Variants in TG observed in about 807,000 individuals in gnomAD.
The protein encoded by TG is thyroid hormones.
Under a neutral mutation model 324.7 loss-of-function variants are expected in TG, and 270 were observed. The observed-to-expected ratio is 0.83, with a 90% CI of 0.75 to 0.92. The LOEUF (loss-of-function observed/expected upper bound fraction) is 0.92, where lower values mean the gene tolerates loss of function less well. Ranked by LOEUF, TG falls within the 40% of genes least tolerant of loss-of-function variation. The pLI is 0.00. For synonymous variants in TG, 1,401 were observed against 1,327.0 expected, an observed-to-expected ratio of 1.06 and a Z score of -1.21; for missense variants, 3,591 against 3,456.4, an observed-to-expected ratio of 1.04 and a Z score of -0.98.
chr8:133,097,591 A>G (rs1246286657), intron 43 of TG, among the ~76,000 whole-genome samples: 1 of 152,262 alleles, frequency 6.6e-6, no homozygotes, highest in Non-Finnish European at 1.5e-5. Flanking sequence ...GATAGCATTC[A>G]TATTTTTAAA....
chr8:133,060,263 A>G, intron 41 of TG: 1 of 1,607,636 alleles, frequency 6.2e-7, no homozygotes, highest in Non-Finnish European at 8.5e-7. Context: ...GTGGAGAATG[A>G]CCCAGTTTAG....
intron 27 of TG, among the ~76,000 whole-genome samples, chr8:132,957,468 A>G (rs1040509429): frequency 8.5e-5 from 13 of 152,148 alleles, no homozygotes; most frequent in African/African-American, 3.1e-4. Context: ...GGAAGCACCC[A>G]TTTGTCTTTG....
At chr8:132,906,090 CAGG>C (rs1219955322) in intron 16 of TG, among the ~76,000 whole-genome samples, 2 of 152,112 alleles carry the variant, frequency 1.3e-5, no homozygotes, top group African/African-American at 4.8e-5. Context: ...AGCAGAAAGG[CAGG>C]AGGAGGTGAG....
chr8:132,980,102 G>A (rs1012864381), intron 34 of TG, among the ~76,000 whole-genome samples: 1 of 151,536 alleles, frequency 6.6e-6, no homozygotes, highest in South Asian at 2.1e-4. Flanking sequence ...GAGCCTCTAA[G>A]TCAAGAGCTT....
chr8:132,948,756 C>T lies in TG; in HGVS notation c.5234-20C>T, dbSNP rs1825701830. On this transcript the variant is annotated intron_variant, in intron 26 of 47. Coordinates refer to ENST00000220616, the MANE Select transcript of TG (RefSeq NM_003235.5). ...TCCCCCTCCATCACACTGACCTCTC[C>T]TACCTCTTGTGATTCTCAGGTGCCA... 6.2e-7 allele frequency: 1 copy of T among 1,612,838 alleles called. No individual in the cohort carries two copies. Among genetic ancestry groups the T allele is most frequent in the Admixed American group, 1.7e-5 (1 of 60,024 alleles).
chr8:133,040,245 G>T, intron 41 of TG: 1 of 1,177,550 alleles, frequency 8.5e-7, no homozygotes. Context: ...TGGGGAACTG[G>T]GCCTGAGATT....
chr8:132,923,567 G>A (rs1821405824), intron 22 of TG, 59 bp downstream of exon 22: 10 of 1,554,262 alleles, frequency 6.4e-6, no homozygotes, highest in Middle Eastern at 1.9e-4. Flanking sequence ...AGTCTCAAGG[G>A]CTTTTTAGAA....
At chr8:133,047,737 G>A (rs961810482) in intron 41 of TG, 2 of 793,808 alleles carry the variant, frequency 2.5e-6, no homozygotes, top group Admixed American at 3.6e-5. Flanking sequence ...ATGGACGTAG[G>A]AGGAAGGAAA....
In TG at chr8:132,897,921, T is replaced by A. The variant is rs952233549; in HGVS notation, c.3139+135T>A. On this transcript the variant is annotated intron_variant, in intron 12 of 47. Transcript: ENST00000220616. Reference sequence around the variant, plus strand: ...AGCAGCTGGTGAAAAATTCCTTAGCTTCTCGGGCCTCCAGTTATCTCACTT... The same window carrying A: ...AGCAGCTGGTGAAAAATTCCTTAGCATCTCGGGCCTCCAGTTATCTCACTT... The A allele has an allele frequency of 7.2e-6, 8 of 1,116,906 alleles. No individual in the cohort carries two copies. The Admixed American group carries it at 1.6e-4, about 22-fold the overall frequency. The allele number at this position is 1,116,906 out of a possible 1,614,324, so 69.2% of individuals were successfully genotyped here.
intron 41 of TG, among the ~76,000 whole-genome samples, chr8:133,043,898 C>G (rs903984869): frequency 6.6e-6 from 1 of 152,216 alleles, no homozygotes; most frequent in Non-Finnish European, 1.5e-5. Context: ...TTTCTTTCCT[C>G]CCTCCAATAT....
At chr8:133,104,586 A>G (rs1044347256) in intron 43 of TG, among the ~76,000 whole-genome samples, 3 of 152,258 alleles carry the variant, frequency 2.0e-5, no homozygotes, top group Admixed American at 6.5e-5. Flanking sequence ...AAGAAAACCA[A>G]GAAAATGCGG....
intron 43 of TG, among the ~76,000 whole-genome samples, chr8:133,113,109 A>G (rs966740173): frequency 6.6e-6 from 1 of 152,172 alleles, no homozygotes; most frequent in African/African-American, 2.4e-5. Flanking sequence ...GACTGCAACA[A>G]TGGTTAACCT....
intron 22 of TG, among the ~76,000 whole-genome samples, chr8:132,927,286 C>T (rs532051463): frequency 2.1e-4 from 32 of 150,492 alleles, no homozygotes; most frequent in Non-Finnish European, 4.3e-4. Context: ...CTCCCTCCCT[C>T]CATCCATTCA....
intron 16 of TG, among the ~76,000 whole-genome samples, chr8:132,904,185 G>A (rs1376685474): frequency 2.6e-5 from 4 of 152,202 alleles, no homozygotes; most frequent in Admixed American, 2.6e-4. Context: ...CCACAGAGTT[G>A]TTGTGAAGAT....
chr8:133,079,582 C>T (rs891872164), intron 41 of TG, among the ~76,000 whole-genome samples: 3 of 152,150 alleles, frequency 2.0e-5, no homozygotes, highest in Non-Finnish European at 4.4e-5. Context: ...TAAGGCAATT[C>T]AGCATCATGC....
At chr8:133,043,976 C>T (rs1024575359) in intron 41 of TG, among the ~76,000 whole-genome samples, 1 of 152,126 alleles carries the variant, frequency 6.6e-6, no homozygotes, top group Non-Finnish European at 1.5e-5. Flanking sequence ...TGGGAGCTCA[C>T]GATTATGGGC....
intron 20 of TG, among the ~76,000 whole-genome samples, chr8:132,915,555 C>CTGCATGGCCT (rs1820173194): frequency 6.6e-6 from 1 of 152,134 alleles, no homozygotes; most frequent in Non-Finnish European, 1.5e-5. Flanking sequence ...AGGGAAGAGA[C>CTGCATGGCCT]TGCATGGGAG....
At chr8:132,966,824 A>G (rs961369455) in intron 30 of TG, 127 bp downstream of exon 30, 3 of 1,144,252 alleles carry the variant, frequency 2.6e-6, no homozygotes, top group African/African-American at 3.0e-5. Context: ...ATCACTGTGG[A>G]TGATATAAAA....
chr8:132,928,960 G>A, intron 22 of TG, 116 bp from the exon 23 acceptor site: 1 of 832,548 alleles, frequency 1.2e-6, no homozygotes, highest in Non-Finnish European at 2.1e-6. Flanking sequence ...TGGGACATTT[G>A]TGTTACCAAG....
Sources: gnomAD v4.1 joint callset for allele counts (sites outside exome capture counted in the v4.1 genomes callset) on GRCh38, gnomAD v4.1.1 for gene constraint, MANE v1.5 for transcripts, NCBI Gene and HGNC (gene_info 2026-07-23, HGNC 2026-07-21) for gene names.